DENND1B: variants seen among roughly 807,000 people sequenced by gnomAD.
DENND1B encodes the protein DENN domain containing 1B.
DENND1B carries 59 observed loss-of-function variants against 90.1 expected under a neutral mutation model. The observed-to-expected ratio is 0.65, with a 90% CI of 0.53 to 0.81. The LOEUF (loss-of-function observed/expected upper bound fraction) is 0.81. Ranked by LOEUF, DENND1B falls within the 40% of genes least tolerant of loss-of-function variation. The pLI is 0.00. For missense variants in DENND1B, 862 were observed against 912.6 expected (o/e 0.94, Z 0.71); for synonymous variants, 337 against 324.6 (o/e 1.04, Z -0.41).
At chr1:197,516,776 T>C (rs1008022211) in intron 20 of DENND1B, among the ~76,000 whole-genome samples, 6 of 151,774 alleles carry the variant, frequency 4.0e-5, no homozygotes, top group African/African-American at 1.5e-4. Context: ...ATCACAGACA[T>C]ATCATTATTA....
At chr1:197,584,204 ATAT>A in intron 14 of DENND1B, among the ~76,000 whole-genome samples, 1 of 152,230 alleles carries the variant, frequency 6.6e-6, no homozygotes, top group Non-Finnish European at 1.5e-5. Context: ...GGAAGACTCA[ATAT>A]TATTACAGAT....
At chr1:197,691,775 C>CTTA (rs796110185) in intron 3 of DENND1B, among the ~76,000 whole-genome samples, 157 of 151,810 alleles carry the variant, frequency 1.0e-3, no homozygotes, top group African/African-American at 3.4e-3. Context: ...ATTACTCAGC[C>CTTA]TTAAAAAAAG....
intron 8 of DENND1B, among the ~76,000 whole-genome samples, chr1:197,645,972 CTAAAAT>C (rs1445580380): frequency 6.6e-6 from 1 of 151,170 alleles, no homozygotes; most frequent in African/African-American, 2.4e-5. Flanking sequence ...ATATTTGACC[CTAAAAT>C]TAAAATTAAA....
At chr1:197,738,480 C>A (rs1399248864) in intron 2 of DENND1B, among the ~76,000 whole-genome samples, 1 of 152,132 alleles carries the variant, frequency 6.6e-6, no homozygotes, top group East Asian at 1.9e-4. Flanking sequence ...CCTAATCTGG[C>A]CAGTTTCTTT....
chr1:197,513,710 C>T (rs1310859409), intron 20 of DENND1B, among the ~76,000 whole-genome samples: 1 of 151,386 alleles, frequency 6.6e-6, no homozygotes, highest in Admixed American at 6.6e-5. Context: ...ATTCATATTC[C>T]TCTATTTCTC....
intron 2 of DENND1B, among the ~76,000 whole-genome samples, chr1:197,742,063 A>C (rs770201897): frequency 3.9e-5 from 6 of 152,196 alleles, no homozygotes; most frequent in Non-Finnish European, 7.4e-5. Context: ...TTACATTACA[A>C]GGAGAAATGT....
At position 197,523,898 on chromosome 1, in the gene DENND1B, A is replaced by T. The variant is rs149826255; in HGVS notation, c.1516-10945T>A. Among the ~76,000 whole-genome samples, 4 of 152,304 alleles carry T rather than the reference A, an allele frequency of 2.6e-5. No individual in the cohort carries two copies. The East Asian group carries it at 7.7e-4, about 29-fold the overall frequency. On this transcript the variant is annotated intron_variant, in intron 20 of 22. Coordinates refer to ENST00000620048, the MANE Select transcript of DENND1B (RefSeq NM_001195215.2). ...AAGACATGAAAAAGCAAGAAAAATA[A>T]AGATGGACAACATGCATGAATAGAT...
intron 16 of DENND1B, among the ~76,000 whole-genome samples, chr1:197,550,897 T>C (rs1201816297): frequency 2.0e-5 from 3 of 152,198 alleles, no homozygotes; most frequent in Admixed American, 2.0e-4. Context: ...CTGCCACATA[T>C]TAGTGCTCAA....
At chr1:197,646,014 A>C (rs1298635221) in intron 8 of DENND1B, among the ~76,000 whole-genome samples, 1 of 151,898 alleles carries the variant, frequency 6.6e-6, no homozygotes, top group East Asian at 1.9e-4. Flanking sequence ...TAAGGCAAAA[A>C]AAGAGTATAT....
chr1:197,574,580 G>A (rs1571931732), intron 15 of DENND1B, among the ~76,000 whole-genome samples: 1 of 151,996 alleles, frequency 6.6e-6, no homozygotes, highest in Non-Finnish European at 1.5e-5. Flanking sequence ...TCACAGAATT[G>A]GAAAAAACTA....
chr1:197,753,923 C>A (rs1311683606), intron 2 of DENND1B, among the ~76,000 whole-genome samples: 1 of 151,940 alleles, frequency 6.6e-6, no homozygotes, highest in East Asian at 1.9e-4. Flanking sequence ...TCGCTTAAAC[C>A]CGGGAGGCGG....
At chr1:197,746,685 C>A (rs1571596146) in intron 2 of DENND1B, 4 of 781,668 alleles carry the variant, frequency 5.1e-6, no homozygotes, top group Non-Finnish European at 9.0e-6. Context: ...TTAACACAGG[C>A]TGGAAAACGT....
intron 5 of DENND1B, among the ~76,000 whole-genome samples, chr1:197,665,757 A>AT (rs973894090): frequency 6.6e-6 from 1 of 152,092 alleles, no homozygotes; most frequent in Non-Finnish European, 1.5e-5. Flanking sequence ...TTCTTTTACA[A>AT]TTTTTGGATT....
At chr1:197,705,119 C>G (rs570573641) in intron 3 of DENND1B, among the ~76,000 whole-genome samples, 3 of 152,180 alleles carry the variant, frequency 2.0e-5, no homozygotes, top group African/African-American at 7.2e-5. Context: ...AGCCGCACAT[C>G]CAGAGAAAAG....
intron 3 of DENND1B, among the ~76,000 whole-genome samples, chr1:197,714,045 C>T (rs544283710): frequency 5.4e-4 from 64 of 119,484 alleles, no homozygotes; most frequent in Non-Finnish European, 9.7e-4. Flanking sequence ...GGCACGATCT[C>T]GGCTCACTGC....
chr1:197,577,247 C>T (rs1673763075), intron 15 of DENND1B, among the ~76,000 whole-genome samples: 1 of 152,018 alleles, frequency 6.6e-6, no homozygotes, highest in Non-Finnish European at 1.5e-5. Context: ...GATGATTGAC[C>T]TAAGGGTTGA....
At chr1:197,557,758 T>A (rs565633608) in intron 15 of DENND1B, among the ~76,000 whole-genome samples, 25 of 152,044 alleles carry the variant, frequency 1.6e-4, no homozygotes, top group African/African-American at 6.0e-4. Context: ...AACACCTTTT[T>A]CTATTTTTAT....
intron 20 of DENND1B, among the ~76,000 whole-genome samples, chr1:197,523,720 G>A (rs565493660): frequency 6.6e-6 from 1 of 152,118 alleles, no homozygotes; most frequent in Admixed American, 6.6e-5. Flanking sequence ...TTCATTTTCC[G>A]ATGGACTCAG....
At chr1:197,513,600 A>T (rs1668189295) in intron 20 of DENND1B, among the ~76,000 whole-genome samples, 1 of 151,564 alleles carries the variant, frequency 6.6e-6, no homozygotes, top group African/African-American at 2.4e-5. Context: ...GTACTTCACT[A>T]TGTATTTTTA....
Sources: gnomAD v4.1 joint callset for allele counts (sites outside exome capture counted in the v4.1 genomes callset) on GRCh38, gnomAD v4.1.1 for gene constraint, MANE v1.5 for transcripts, NCBI Gene and HGNC (gene_info 2026-07-23, HGNC 2026-07-21) for gene names.